Variants in TBXAS1 observed in about 807,000 individuals in gnomAD.
The protein encoded by TBXAS1 is thromboxane-A synthase.
Under a neutral mutation model 60.7 loss-of-function variants are expected in TBXAS1, and 48 were observed. The ratio of observed to expected loss-of-function variants is 0.79; its 90% CI spans 0.63 to 1.01. TBXAS1 has a LOEUF of 1.01. TBXAS1 is among the 50% of genes least tolerant of loss of function. TBXAS1 has a pLI of 0.00. For missense variants in TBXAS1, 685 were observed against 686.3 expected (o/e 1.00, Z 0.02); for synonymous variants, 287 against 269.7 (o/e 1.06, Z -0.63).
intron 9 of TBXAS1, among the ~76,000 whole-genome samples, chr7:140,002,166 G>A (rs114035998): frequency 0.015 from 2,342 of 152,276 alleles, 61 homozygotes; most frequent in African/African-American, 0.054. Flanking sequence ...TGCATTCCTC[G>A]TAAGCACATT....
chr7:139,955,584 C>T lies in TBXAS1; in HGVS notation c.665C>T (p.Pro222Leu). ...AAGCGTTTCTTCGAATTCTGCATCC[C>T]CAGACCTATCCTGGTTTTACTCTGT... The part of the protein sequence containing the change: ...HCKRFFEFCI[P>L]RPILVLLLSF... The change falls in exon 7 of 13, where the codon CCC becomes CTC. Residue 222 changes from proline (P) to leucine (L), a missense_variant. Physicochemically the swap from Pro to Leu is moderately conservative, Grantham distance 98. Transcript: ENST00000448866. The T allele has an allele frequency of 6.2e-7, 1 of 1,614,224 alleles. No homozygotes were observed. The highest frequency in any genetic ancestry group is 8.5e-7 in the Non-Finnish European group (1 of 1,180,046).
chr7:139,945,464 C>G (rs1808622798), intron 5 of TBXAS1, among the ~76,000 whole-genome samples: 1 of 152,214 alleles, frequency 6.6e-6, no homozygotes, highest in Admixed American at 6.5e-5. Context: ...GACAGTGCCT[C>G]AATCTGTTCA....
intron 1 of TBXAS1, among the ~76,000 whole-genome samples, chr7:139,856,070 C>T (rs908466435): frequency 6.6e-6 from 1 of 152,178 alleles, no homozygotes; most frequent in Non-Finnish European, 1.5e-5. Flanking sequence ...GCTTTCTCAA[C>T]TTCTTTTGAT....
At position 139,843,674 on chromosome 7, in the gene TBXAS1, A is replaced by G. The variant is rs566562503; in HGVS notation, c.89+14195A>G. Among the ~76,000 whole-genome samples the G allele has an allele frequency of 2.6e-5, 4 of 152,316 alleles. No homozygotes were observed. The South Asian group carries it at 8.3e-4, about 32-fold the overall frequency. ...ATTTTATAGCTTATGCATGTGACCT[A>G]TCTTCTTGGCTTGACTGTAAGTCCC... is the stretch of plus-strand genomic sequence containing the variant. On this transcript the variant is annotated intron_variant, in intron 1 of 12. Coordinates refer to ENST00000448866, the MANE Select transcript of TBXAS1 (RefSeq NM_001061.7).
chr7:139,846,362 A>G (rs774545304), intron 1 of TBXAS1, among the ~76,000 whole-genome samples: 9 of 152,204 alleles, frequency 5.9e-5, no homozygotes, highest in Non-Finnish European at 1.3e-4. Flanking sequence ...TGTGACCTTA[A>G]GCAATAGATG....
chr7:139,830,162 T>A (rs1289091430), intron 1 of TBXAS1, among the ~76,000 whole-genome samples: 4 of 152,208 alleles, frequency 2.6e-5, no homozygotes, highest in Non-Finnish European at 5.9e-5. Context: ...GAAGGCCTCA[T>A]AATATGCTAC....
chr7:139,956,991 G>A (rs1200697928), intron 7 of TBXAS1, among the ~76,000 whole-genome samples: 1 of 152,228 alleles, frequency 6.6e-6, no homozygotes, highest in Non-Finnish European at 1.5e-5. Flanking sequence ...TGGAAGCTGA[G>A]AAGCTGAACC....
At chr7:140,018,704 G>C (rs1815296908) in intron 12 of TBXAS1, among the ~76,000 whole-genome samples, 1 of 152,202 alleles carries the variant, frequency 6.6e-6, no homozygotes, top group Non-Finnish European at 1.5e-5. Flanking sequence ...AGCTCAGAGA[G>C]GTTAAATAAC....
At chr7:139,984,196 T>C (rs1382284492) in intron 9 of TBXAS1, among the ~76,000 whole-genome samples, 1 of 152,240 alleles carries the variant, frequency 6.6e-6, no homozygotes, top group Non-Finnish European at 1.5e-5. Context: ...GGGATAATAA[T>C]AGCATCTGCT....
chr7:139,895,919 A>G (rs1166308387), intron 3 of TBXAS1, among the ~76,000 whole-genome samples: 2 of 152,206 alleles, frequency 1.3e-5, no homozygotes, highest in Admixed American at 1.3e-4. Flanking sequence ...GCAGGCCCCA[A>G]GTTTTAGAAA....
At chr7:140,014,008 A>C (rs998621957) in intron 10 of TBXAS1, among the ~76,000 whole-genome samples, 1 of 152,204 alleles carries the variant, frequency 6.6e-6, no homozygotes, top group Non-Finnish European at 1.5e-5. Context: ...CTCTGGGGCC[A>C]TACAGCCTCA....
chr7:139,907,919 C>A (rs769009139), intron 3 of TBXAS1, among the ~76,000 whole-genome samples: 10 of 151,964 alleles, frequency 6.6e-5, no homozygotes, highest in Non-Finnish European at 1.3e-4. Context: ...TGGTCAATTT[C>A]TTTCTAGTTT....
intron 9 of TBXAS1, among the ~76,000 whole-genome samples, chr7:139,982,027 T>C (rs1258858394): frequency 4.6e-5 from 7 of 152,246 alleles, no homozygotes; most frequent in Non-Finnish European, 2.9e-5. Context: ...TTAAAAGTCT[T>C]AATCTTCTGA....
intron 9 of TBXAS1, among the ~76,000 whole-genome samples, chr7:140,005,618 G>A (rs1329934935): frequency 6.6e-6 from 1 of 152,126 alleles, no homozygotes; most frequent in Non-Finnish European, 1.5e-5. Context: ...TCCCAGAAAT[G>A]CAGACGGGAG....
chr7:139,911,092 T>G, intron 3 of TBXAS1, 133 bp from the exon 4 acceptor site: 2 of 790,628 alleles, frequency 2.5e-6, no homozygotes, highest in Non-Finnish European at 4.5e-6. Flanking sequence ...TTGGAACATA[T>G]GTTTCCTCAT....
intron 4 of TBXAS1, among the ~76,000 whole-genome samples, chr7:139,917,480 C>T (rs1448071881): frequency 6.6e-6 from 1 of 152,180 alleles, no homozygotes; most frequent in African/African-American, 2.4e-5. Context: ...AGGTGACAGT[C>T]GCAATGGGAT....
At chr7:139,846,864 C>A (rs1006365597) in intron 1 of TBXAS1, among the ~76,000 whole-genome samples, 2 of 151,890 alleles carry the variant, frequency 1.3e-5, no homozygotes, top group Non-Finnish European at 1.5e-5. Flanking sequence ...AGCCATAGTG[C>A]GGCAGGTTTA....
intron 9 of TBXAS1, among the ~76,000 whole-genome samples, chr7:139,968,864 C>G (rs545664582): frequency 2.1e-4 from 32 of 152,156 alleles, no homozygotes; most frequent in Non-Finnish European, 4.0e-4. Flanking sequence ...ATTTGTACCA[C>G]TCGTAAAGCT....
intron 10 of TBXAS1, among the ~76,000 whole-genome samples, chr7:140,010,202 A>G (rs1380211297): frequency 6.6e-6 from 1 of 152,064 alleles, no homozygotes; most frequent in Non-Finnish European, 1.5e-5. Context: ...AGGTGTCACA[A>G]TTCTCACCCA....
Sources: gnomAD v4.1 joint callset for allele counts (sites outside exome capture counted in the v4.1 genomes callset) on GRCh38, gnomAD v4.1.1 for gene constraint, MANE v1.5 for transcripts, NCBI Gene and HGNC (gene_info 2026-07-23, HGNC 2026-07-21) for gene names.